The following ZDHHC20 variants were observed in gnomAD, a reference collection of about 807,000 sequenced individuals.
The protein encoded by ZDHHC20 is palmitoyltransferase ZDHHC20.
A neutral mutation model predicts 57.8 loss-of-function variants in ZDHHC20; 43 were observed. The ratio of observed to expected loss-of-function variants is 0.74; its 90% CI spans 0.58 to 0.96. The LOEUF is 0.96. Ranked by LOEUF, ZDHHC20 falls within the 40% of genes least tolerant of loss-of-function variation. The pLI is 0.00. For synonymous variants in ZDHHC20, 157 were observed against 153.0 expected (o/e 1.03, Z -0.19); for missense variants, 391 against 441.1 (o/e 0.89, Z 1.02).
chr13:21,381,099 C>A (rs999310203), intron 11 of ZDHHC20, among the ~76,000 whole-genome samples: 1 of 151,864 alleles, frequency 6.6e-6, no homozygotes, highest in Non-Finnish European at 1.5e-5. Flanking sequence ...CTCCGCCTCC[C>A]GGGTTCAAGC....
intron 1 of ZDHHC20, among the ~76,000 whole-genome samples, chr13:21,442,803 G>T (rs1275707016): frequency 6.6e-6 from 1 of 151,720 alleles, no homozygotes; most frequent in Non-Finnish European, 1.5e-5. Flanking sequence ...TTATTCAGCA[G>T]ATATTTATTT....
intron 4 of ZDHHC20, among the ~76,000 whole-genome samples, chr13:21,406,628 T>G (rs1878486131): frequency 6.7e-6 from 1 of 149,790 alleles, no homozygotes. Context: ...AGTGAGAACA[T>G]GCAGTGTTTG....
intron 11 of ZDHHC20, among the ~76,000 whole-genome samples, chr13:21,379,806 G>A (rs1329683330): frequency 2.8e-5 from 3 of 108,604 alleles, no homozygotes; most frequent in Admixed American, 1.1e-4. Flanking sequence ...TATTCAGTGT[G>A]CTCTTTTTTT....
At chr13:21,415,608 G>C (rs560240223) in intron 3 of ZDHHC20, among the ~76,000 whole-genome samples, 1 of 152,230 alleles carries the variant, frequency 6.6e-6, no homozygotes, top group South Asian at 2.1e-4. Context: ...GGCCCCTCTT[G>C]AATACTTTGA....
intron 7 of ZDHHC20, among the ~76,000 whole-genome samples, chr13:21,394,250 T>C (rs1876358444): frequency 6.6e-6 from 1 of 152,230 alleles, no homozygotes; most frequent in Non-Finnish European, 1.5e-5. Flanking sequence ...TACTGAAACA[T>C]GGCAGGGACA....
rs538294167 is a variant in ZDHHC20 at position 21,430,518 on chromosome 13, G to C, written c.119-4840C>G. The stretch of plus-strand genomic sequence containing the variant: ...ACTGGGGAAGAGACACAGGAGGGGG[G>C]TCTTGTTACAGCTGGGCAAGCAGGA... On this transcript the variant is annotated intron_variant, in intron 1 of 12. Coordinates refer to ENST00000400590, the MANE Select transcript of ZDHHC20 (RefSeq NM_001330059.2). 9.2e-5 allele frequency among the ~76,000 whole-genome samples: 14 copies of C among 152,060 alleles called. No homozygotes were observed. In the South Asian group the frequency reaches 2.9e-3, roughly 32 times the overall value.
chr13:21,436,263 T>C (rs1185815363), intron 1 of ZDHHC20, among the ~76,000 whole-genome samples: 1 of 152,236 alleles, frequency 6.6e-6, no homozygotes, highest in East Asian at 1.9e-4. Context: ...CAAAATGTTA[T>C]AATGACACAG....
intron 1 of ZDHHC20, among the ~76,000 whole-genome samples, chr13:21,448,199 T>C (rs1593282890): frequency 1.5e-5 from 1 of 67,678 alleles, no homozygotes; most frequent in Non-Finnish European, 3.3e-5. Context: ...GTGGGGGGGG[T>C]CAGCCCCCCG....
intron 7 of ZDHHC20, among the ~76,000 whole-genome samples, chr13:21,393,650 G>C (rs1876191912): frequency 7.0e-6 from 1 of 142,208 alleles, no homozygotes; most frequent in African/African-American, 2.6e-5. Context: ...GTTGCAGTGA[G>C]CCGAGATCGC....
Position 21,374,050 on chromosome 13 carries a change from G to A in ZDHHC20, c.*2646C>T, listed in dbSNP as rs1297481587. 6.5e-6 allele frequency: 1 copy of A among 154,898 alleles called. No individual in the cohort carries two copies. The highest frequency in any genetic ancestry group is 2.0e-4 in the South Asian group (1 of 5,038). 9.6% of individuals were successfully genotyped at this position (154,898 alleles called of 1,614,324 possible). A position where few individuals can be genotyped will look rare whatever the true frequency, so the allele number is the denominator to read the frequency against. ...TACCATGAAAGTGCATAATAGTGAA[G>A]AAAAAAATGAAGTTCCCTTGGCGTT... On this transcript the variant is annotated 3_prime_UTR_variant, in exon 13 of 13. Coordinates refer to ENST00000400590, the MANE Select transcript of ZDHHC20 (RefSeq NM_001330059.2).
rs1412752321 is a variant in ZDHHC20 at position 21,373,990 on chromosome 13, T to C, written c.*2706A>G. The C allele has an allele frequency of 6.6e-6, 1 of 152,352 alleles. No individual in the cohort carries two copies. The highest frequency in any genetic ancestry group is 6.5e-5 in the Admixed American group (1 of 15,306). 9.4% of individuals were successfully genotyped at this position (152,352 alleles called of 1,614,324 possible). Reference sequence around the variant, plus strand: ...ATGTTTGCTGTGCTATTAAAGATGTTAAATAACAAAAATTAAAAGAACTGA... The same window carrying C: ...ATGTTTGCTGTGCTATTAAAGATGTCAAATAACAAAAATTAAAAGAACTGA... On this transcript the variant is annotated 3_prime_UTR_variant, in exon 13 of 13. Coordinates refer to ENST00000400590, the MANE Select transcript of ZDHHC20 (RefSeq NM_001330059.2).
At chr13:21,447,620 C>CT (rs1267884239) in intron 1 of ZDHHC20, among the ~76,000 whole-genome samples, 1 of 143,090 alleles carries the variant, frequency 7.0e-6, no homozygotes, top group African/African-American at 2.5e-5. Flanking sequence ...GTGGCGTGGT[C>CT]TCGGCTCACT....
At chr13:21,393,065 A>T (rs1488496154) in intron 7 of ZDHHC20, among the ~76,000 whole-genome samples, 2 of 152,192 alleles carry the variant, frequency 1.3e-5, no homozygotes, top group Admixed American at 6.5e-5. Context: ...TAGTTTTATA[A>T]ATCCTGTTGA....
intron 8 of ZDHHC20, among the ~76,000 whole-genome samples, chr13:21,389,649 G>T (rs563039240): frequency 1.3e-5 from 2 of 152,284 alleles, no homozygotes; most frequent in South Asian, 4.1e-4. Context: ...ACCTACGGGG[G>T]CTGGGCAGGA....
rs1871571187 is a variant in ZDHHC20, at chr13:21,373,782, G to A, written c.*2914C>T. Reference sequence around the variant, plus strand: ...TAGTTGATAGCAATAATCAATACCAGTTGAGATACCAAAGAGGCAGCCTTT... The same window carrying A: ...TAGTTGATAGCAATAATCAATACCAATTGAGATACCAAAGAGGCAGCCTTT... On this transcript the variant is annotated 3_prime_UTR_variant, in exon 13 of 13. Coordinates refer to ENST00000400590, the MANE Select transcript of ZDHHC20 (RefSeq NM_001330059.2). 1 of 152,216 alleles carries A rather than the reference G, an allele frequency of 6.6e-6. No individual in the cohort carries two copies. The highest frequency in any genetic ancestry group is 1.5e-5 in the Non-Finnish European group (1 of 68,040). 9.4% of individuals were successfully genotyped at this position (152,216 alleles called of 1,614,324 possible).
In ZDHHC20 at chr13:21,378,707, T is replaced by C; in HGVS notation, c.1092A>G (p.Glu364=). The change falls in exon 12 of 13, where the codon GAA becomes GAG. Residue 364 remains glutamate (E), a synonymous_variant. Coordinates refer to ENST00000400590, the MANE Select transcript of ZDHHC20 (RefSeq NM_001330059.2). ...GTNNHVTVAI[E]N is the part of the protein sequence containing the mutation. ...AGTTATGAACAAGTGGTACTCAATT[T>C]TCTATTGCCACTGTTACATGGTTAT... is the stretch of plus-strand genomic sequence containing the variant. 6.8e-7 allele frequency: 1 copy of C among 1,475,046 alleles called. No individual in the cohort carries two copies. Among genetic ancestry groups the C allele is most frequent in the Non-Finnish European group, 9.0e-7 (1 of 1,105,448 alleles). 91.4% of individuals were successfully genotyped at this position (1,475,046 alleles called of 1,614,324 possible).
intron 9 of ZDHHC20, among the ~76,000 whole-genome samples, chr13:21,383,638 A>G (rs1164501035): frequency 1.3e-5 from 2 of 152,204 alleles, no homozygotes; most frequent in Admixed American, 6.5e-5. Flanking sequence ...GTATTCAAGT[A>G]TTTGGGTAAC....
intron 1 of ZDHHC20, among the ~76,000 whole-genome samples, chr13:21,452,496 A>C (rs1312698168): frequency 6.6e-6 from 1 of 152,228 alleles, no homozygotes; most frequent in Non-Finnish European, 1.5e-5. Flanking sequence ...AGGAAATGAC[A>C]CTAGATGGAT....
chr13:21,449,861 AC>A (rs1307259636), intron 1 of ZDHHC20, among the ~76,000 whole-genome samples: 1 of 152,056 alleles, frequency 6.6e-6, no homozygotes, highest in African/African-American at 2.4e-5. Context: ...CGAACTCCTG[AC>A]CTCAGGTGAT....
Sources: gnomAD v4.1 joint callset for allele counts (sites outside exome capture counted in the v4.1 genomes callset) on GRCh38, gnomAD v4.1.1 for gene constraint, MANE v1.5 for transcripts, NCBI Gene and HGNC (gene_info 2026-07-23, HGNC 2026-07-21) for gene names.